The following OTUD7A variants were observed in gnomAD, a reference collection of about 807,000 sequenced individuals.
The protein encoded by OTUD7A is OTU domain-containing protein 7A.
Under a neutral mutation model 65.7 loss-of-function variants are expected in OTUD7A, and 12 were observed. The ratio of observed to expected loss-of-function variants is 0.18; its 90% CI spans 0.12 to 0.30. The LOEUF (loss-of-function observed/expected upper bound fraction) is 0.30. OTUD7A is among the 10% of genes least tolerant of loss of function. The pLI is 1.00. For synonymous variants in OTUD7A, 641 were observed against 586.3 expected, an observed-to-expected ratio of 1.09 and a Z score of -1.35; for missense variants, 1,148 against 1,304.8, an observed-to-expected ratio of 0.88 and a Z score of 1.85.
intron 1 of OTUD7A, among the ~76,000 whole-genome samples, chr15:31,804,083 T>C (rs1896206236): frequency 6.6e-6 from 1 of 152,176 alleles, no homozygotes; most frequent in Non-Finnish European, 1.5e-5. Flanking sequence ...AGTTAATCAA[T>C]TTAATCATTA....
chr15:31,649,127 C>A (rs1339675280), intron 3 of OTUD7A, among the ~76,000 whole-genome samples: 1 of 152,158 alleles, frequency 6.6e-6, no homozygotes, highest in African/African-American at 2.4e-5. Flanking sequence ...CATGAGCTGC[C>A]CAATTCTCCT....
At chr15:31,816,031 G>A (rs1199731565) in intron 1 of OTUD7A, among the ~76,000 whole-genome samples, 1 of 152,184 alleles carries the variant, frequency 6.6e-6, no homozygotes, top group Admixed American at 6.5e-5. Context: ...GGCCACTGAT[G>A]CATGAGGAGA....
At chr15:31,660,576 C>T (rs866704518) in intron 1 of OTUD7A, among the ~76,000 whole-genome samples, 25 of 152,176 alleles carry the variant, frequency 1.6e-4, no homozygotes, top group Middle Eastern at 3.2e-3. Context: ...CTCCACAACA[C>T]CAGCTAGAGA....
At chr15:31,787,489 G>A (rs1051674670) in intron 1 of OTUD7A, 4 of 152,166 alleles carry the variant, frequency 2.6e-5, no homozygotes, top group Non-Finnish European at 5.9e-5. Context: ...CTAAGCCTAG[G>A]TGGCAGCCTT....
intron 3 of OTUD7A, among the ~76,000 whole-genome samples, chr15:31,608,755 G>C (rs1042447067): frequency 3.3e-4 from 50 of 152,234 alleles, no homozygotes; most frequent in African/African-American, 1.2e-3. Context: ...CATGAGGCAG[G>C]ACTAGACTGT....
chr15:31,608,642 G>T (rs1269802901), intron 3 of OTUD7A, among the ~76,000 whole-genome samples: 1 of 152,182 alleles, frequency 6.6e-6, no homozygotes, highest in South Asian at 2.1e-4. Context: ...TTGAAAAATC[G>T]TAAGTTGAAC....
intron 1 of OTUD7A, among the ~76,000 whole-genome samples, chr15:31,820,438 G>A (rs898526027): frequency 2.6e-5 from 4 of 152,012 alleles, no homozygotes; most frequent in East Asian, 3.9e-4. Flanking sequence ...ACGAGATATC[G>A]CACGATTCTT....
intron 1 of OTUD7A, among the ~76,000 whole-genome samples, chr15:31,811,667 G>A (rs1896420630): frequency 6.6e-6 from 1 of 152,136 alleles, no homozygotes; most frequent in South Asian, 2.1e-4. Flanking sequence ...TGGTTAAAGG[G>A]TAGTAGAGAG....
At chr15:31,493,336 A>G (rs1215623347) in intron 10 of OTUD7A, among the ~76,000 whole-genome samples, 1 of 152,250 alleles carries the variant, frequency 6.6e-6, no homozygotes, top group Admixed American at 6.5e-5. Context: ...CCAAGAAGCC[A>G]TAATCATCCT....
rs536076775 is a variant in OTUD7A, at chr15:31,768,935, T to C, written c.-100+101572A>G. On this transcript the variant is annotated intron_variant, in intron 1 of 12. Coordinates refer to ENST00000307050, the MANE Select transcript of OTUD7A (RefSeq NM_001382637.1). ...TAAAAAAATTCAAGCATCCCAAAGA[T>C]AGGAAAGGGGAAACAGGTACAAAAA... Among the ~76,000 whole-genome samples the C allele has an allele frequency of 4.0e-5, 6 of 151,716 alleles. No individual in the cohort carries two copies. In the East Asian group the frequency reaches 9.7e-4, roughly 24 times the overall value.
At chr15:31,820,054 C>T (rs1896642521) in intron 1 of OTUD7A, among the ~76,000 whole-genome samples, 2 of 152,158 alleles carry the variant, frequency 1.3e-5, no homozygotes, top group South Asian at 2.1e-4. Flanking sequence ...TCCACTCCTG[C>T]CCCACTCCAT....
At chr15:31,825,165 T>G (rs1896768754) in intron 1 of OTUD7A, among the ~76,000 whole-genome samples, 1 of 152,228 alleles carries the variant, frequency 6.6e-6, no homozygotes, top group Admixed American at 6.5e-5. Context: ...AGGATGTCAG[T>G]CAGTCTTGTT....
chr15:31,655,408 T>C (rs1891961836), intron 2 of OTUD7A, 158 bp from the exon 3 acceptor site: 2 of 529,514 alleles, frequency 3.8e-6, no homozygotes, highest in East Asian at 6.5e-5. Context: ...ACTGCCTGAT[T>C]CTTCATGCAA....
intron 1 of OTUD7A, among the ~76,000 whole-genome samples, chr15:31,666,130 T>C (rs930077071): frequency 6.6e-6 from 1 of 152,178 alleles, no homozygotes; most frequent in African/African-American, 2.4e-5. Flanking sequence ...TTTTTGGTTA[T>C]GTCCTTTCCT....
At chr15:31,503,559 C>G in intron 9 of OTUD7A, 132 bp downstream of exon 9, 5 of 1,227,354 alleles carry the variant, frequency 4.1e-6, no homozygotes, top group Non-Finnish European at 5.8e-6. Flanking sequence ...AGAAACACGT[C>G]GAGGAGATCT....
chr15:31,581,864 T>G (rs1405878039), intron 3 of OTUD7A, among the ~76,000 whole-genome samples: 1 of 152,264 alleles, frequency 6.6e-6, no homozygotes, highest in African/African-American at 2.4e-5. Flanking sequence ...CGGAAATTTC[T>G]GCAGCTGGCT....
intron 1 of OTUD7A, among the ~76,000 whole-genome samples, chr15:31,700,154 G>A (rs367771697): frequency 6.6e-6 from 1 of 151,648 alleles, no homozygotes; most frequent in Non-Finnish European, 1.5e-5. Context: ...TGGCACCATC[G>A]TCCTTCATCT....
chr15:31,801,106 A>G (rs1175243475), intron 1 of OTUD7A, among the ~76,000 whole-genome samples: 1 of 152,092 alleles, frequency 6.6e-6, no homozygotes, highest in African/African-American at 2.4e-5. Flanking sequence ...CATTCTGGAA[A>G]GTAGATATTC....
chr15:31,806,350 A>C (rs1248352949), intron 1 of OTUD7A, among the ~76,000 whole-genome samples: 2 of 152,228 alleles, frequency 1.3e-5, no homozygotes, highest in East Asian at 3.8e-4. Flanking sequence ...ATTCCTCATG[A>C]ATCAGTAGGG....
Sources: gnomAD v4.1 joint callset for allele counts (sites outside exome capture counted in the v4.1 genomes callset) on GRCh38, gnomAD v4.1.1 for gene constraint, MANE v1.5 for transcripts, NCBI Gene and HGNC (gene_info 2026-07-23, HGNC 2026-07-21) for gene names.